The following ABCA9 variants were observed in gnomAD, a reference collection of about 807,000 sequenced individuals.
ABCA9 encodes ATP-binding cassette sub-family A member 9.
Under a neutral mutation model 205.3 loss-of-function variants are expected in ABCA9, and 183 were observed. The observed-to-expected ratio is 0.89, with a 90% CI of 0.79 to 1.01. The LOEUF is 1.01. ABCA9 is among the 50% of genes least tolerant of loss of function. The pLI is 0.00. For synonymous variants in ABCA9, 651 were observed against 683.3 expected, an observed-to-expected ratio of 0.95 and a Z score of 0.74; for missense variants, 1,805 against 1,912.4, an observed-to-expected ratio of 0.94 and a Z score of 1.05.
chr17:69,049,005 G>A (rs746641708), intron 3 of ABCA9, among the ~76,000 whole-genome samples: 6 of 152,282 alleles, frequency 3.9e-5, no homozygotes, highest in East Asian at 1.9e-4. Context: ...ACAGTCCAAT[G>A]TTTCCAGAAT....
At chr17:69,002,648 C>T (rs2069928642) in intron 25 of ABCA9, among the ~76,000 whole-genome samples, 2 of 151,644 alleles carry the variant, frequency 1.3e-5, no homozygotes, top group South Asian at 4.2e-4. Flanking sequence ...TGGTGCAGGG[C>T]TGAGTTCAAT....
chr17:69,028,678 G>A lies in ABCA9; in HGVS notation c.1505-33C>T, dbSNP rs1309589997. On this transcript the variant is annotated intron_variant, in intron 11 of 38. Transcript: ENST00000340001. ...GATTTTAAAAAAAATTACACTCAGA[G>A]CCTACATATTAACTTTACAGTCTCT... The A allele has an allele frequency of 1.3e-5, 17 of 1,338,506 alleles. No individual in the cohort carries two copies. The East Asian group carries it at 3.8e-4, about 30-fold the overall frequency. The allele number at this position is 1,338,506 out of a possible 1,614,324, so 82.9% of individuals were successfully genotyped here. A position where few individuals can be genotyped will look rare whatever the true frequency, so the allele number is the denominator to read the frequency against.
At chr17:69,064,593 T>C (rs1344008533), upstream of ABCA9, among the ~76,000 whole-genome samples, 1 of 152,230 alleles carries the variant, frequency 6.6e-6, no homozygotes, top group African/African-American at 2.4e-5. Context: ...AAGGGTGTTT[T>C]AGAATTTATA....
chr17:69,024,267 C>T lies in ABCA9; in HGVS notation c.2228G>A (p.Ser743Asn), dbSNP rs2070912149. The T allele has an allele frequency of 2.5e-6, 4 of 1,613,324 alleles. No homozygotes were observed. The highest frequency in any genetic ancestry group is 3.4e-6 in the Non-Finnish European group (4 of 1,179,534). Residue 743 changes from serine to asparagine, a missense_variant, in exon 17 of 39, where the codon AGT (serine) becomes AAT (asparagine). By Grantham distance (46) the Ser-to-Asn change is conservative. Transcript: ENST00000340001. ...HISDAKLTAQ[S>N]EEKLVYILPL... Reference sequence around the variant, plus strand: ...CAAAATATATACAAGTTTTTCTTCACTTTGTGCTGTCAATTTGGCATCAGA... The same window carrying T: ...CAAAATATATACAAGTTTTTCTTCATTTTGTGCTGTCAATTTGGCATCAGA...
Position 68,989,822 on chromosome 17 carries a change from C to T in ABCA9, c.3946G>A (p.Val1316Ile). 6.3e-7 allele frequency: 1 copy of T among 1,578,552 alleles called. No individual in the cohort carries two copies. The highest frequency in any genetic ancestry group is 1.1e-5 in the South Asian group (1 of 89,518). ...KIATRNVSFCVKKGEVIGLLG... is the reference protein window; with the variant it reads ...KIATRNVSFCIKKGEVIGLLG... ...AACTACTGTTTCCAACCTTTTTTAA[C>T]ACAAAAAGAGACATTTCTTGTGGCA... Residue 1316 changes from valine to isoleucine, a missense_variant, in exon 30 of 39, where the codon GTT becomes ATT. Coordinates refer to ENST00000340001, the MANE Select transcript of ABCA9 (RefSeq NM_080283.4).
At position 68,984,048 on chromosome 17, in the gene ABCA9, G is replaced by A. The variant is rs895862045; in HGVS notation, c.4499+8C>T. The A allele has an allele frequency of 4.2e-5, 68 of 1,613,934 alleles. No homozygotes were observed. Among genetic ancestry groups the A allele is most frequent in the Non-Finnish European group, 5.5e-5 (65 of 1,179,994 alleles). ...AGGGGCTGAGCGCCGGCTTGGACAG[G>A]CACTCACCTCAGCCTTCCTGACACC... On this transcript the variant is annotated splice_region_variant and intron_variant, in intron 35 of 38. Transcript: ENST00000340001.
In ABCA9 at chr17:69,020,433, A is replaced by AT; in HGVS notation, c.2554_2555insA (p.Val852AspfsTer23). ...TTCTTTCTTTAACTTTAGGAAGCGAACTTTTGCTATTGCACAGACCTGCTG... is the reference window on the plus strand; with the variant it reads ...TTCTTTCTTTAACTTTAGGAAGCGAATCTTTTGCTATTGCACAGACCTGCTG... On this transcript the variant is annotated frameshift_variant, in exon 19 of 39. Transcript: ENST00000340001. LOFTEE classifies it high-confidence loss of function. The AT allele has an allele frequency of 6.2e-7, 1 of 1,613,924 alleles. No individual in the cohort carries two copies.
intron 17 of ABCA9, 70 bp from the exon 18 acceptor site, chr17:69,021,931 A>G: frequency 8.1e-7 from 1 of 1,228,568 alleles, no homozygotes; most frequent in Non-Finnish European, 1.1e-6. Context: ...TCAAAAATGT[A>G]AAATATTGGT....
intron 9 of ABCA9, chr17:69,033,324 G>GAAAAAAAAAAAAAA (rs1567960119): frequency 9.0e-6 from 1 of 111,046 alleles, no homozygotes. Flanking sequence ...AAAAAAAAAG[G>GAAAAAAAAAAAAAA]AAAGAAAGAA....
At chr17:69,064,328 A>T (rs1001795791), upstream of ABCA9, among the ~76,000 whole-genome samples, 4 of 152,190 alleles carry the variant, frequency 2.6e-5, no homozygotes, top group Admixed American at 6.5e-5. Context: ...ATAACCCTCA[A>T]ATGTTAACAA....
At chr17:69,056,513 TAATC>T (rs1414900663) in intron 1 of ABCA9, among the ~76,000 whole-genome samples, 7 of 152,314 alleles carry the variant, frequency 4.6e-5, no homozygotes, top group Non-Finnish European at 8.8e-5. Context: ...ACTGATTTAA[TAATC>T]AATAATCTTC....
rs1179154674 is a variant in ABCA9, at chr17:69,016,049, TAC to T, written c.3039+202_3039+203del. On this transcript the variant is annotated intron_variant, in intron 22 of 38. Transcript: ENST00000340001. ...TGTGTGTGTGTATGTATATTACATATACAGTGATTTATATATATATAAAATAT... is the reference window on the plus strand; with the variant it reads ...TGTGTGTGTGTATGTATATTACATATAGTGATTTATATATATATAAAATAT... 7.3e-5 allele frequency among the ~76,000 whole-genome samples: 11 copies of T among 150,774 alleles called. No homozygotes were observed. The East Asian group carries it at 1.9e-3, about 27-fold the overall frequency.
At chr17:69,055,418 T>G (rs956533798) in intron 1 of ABCA9, among the ~76,000 whole-genome samples, 9 of 152,162 alleles carry the variant, frequency 5.9e-5, no homozygotes, top group Non-Finnish European at 1.3e-4. Flanking sequence ...GAAGGAAAAT[T>G]ATCAGGGATA....
rs1284992703 is a variant in ABCA9 at position 69,023,183 on chromosome 17, T to G, written c.2281+1031A>C. On this transcript the variant is annotated intron_variant, in intron 17 of 38. Transcript: ENST00000340001. This position sits in a 1 kb window ranked among gnomAD's most constrained non-coding sequence, Gnocchi z 4.2. ...TTTAAATGGTAGCATTATTTCTTTG[T>G]GTTTCTTTCTTAGTGGTACATCCTG... The G allele has an allele frequency of 6.6e-6, 1 of 152,192 alleles. No individual in the cohort carries two copies. The highest frequency in any genetic ancestry group is 1.5e-5 in the Non-Finnish European group (1 of 68,028). 9.4% of individuals were successfully genotyped at this position (152,192 alleles called of 1,614,324 possible).
chr17:69,024,483 A>C (rs2144317080), intron 16 of ABCA9, 130 bp from the exon 17 acceptor site: 5 of 856,546 alleles, frequency 5.8e-6, no homozygotes, highest in Admixed American at 3.3e-5. Flanking sequence ...TTACTGGACA[A>C]AGTAAGATGT....
chr17:68,985,041 C>T lies in ABCA9; in HGVS notation c.4284+12G>A, dbSNP rs184929537. ...ACGGCACTTGCAGAGCAACAACAAGCCCTGCCCGTACCTTTCGCTTTATTC... is the reference window on the plus strand; with the variant it reads ...ACGGCACTTGCAGAGCAACAACAAGTCCTGCCCGTACCTTTCGCTTTATTC... On this transcript the variant is annotated intron_variant, in intron 33 of 38. Transcript: ENST00000340001. 15 of 1,614,220 alleles carry T rather than the reference C, an allele frequency of 9.3e-6. No individual in the cohort carries two copies. In the East Asian group the frequency reaches 2.5e-4, roughly 26 times the overall value.
chr17:69,008,340 AAAT>A, intron 23 of ABCA9, 105 bp from the exon 24 acceptor site: 1 of 1,070,858 alleles, frequency 9.3e-7, no homozygotes, highest in Non-Finnish European at 1.4e-6. Context: ...CGCCTTTTAG[AAAT>A]ATTATCCTGA....
At chr17:68,999,639 C>T (rs1420609965) in intron 25 of ABCA9, among the ~76,000 whole-genome samples, 24 of 151,752 alleles carry the variant, frequency 1.6e-4, no homozygotes, top group Non-Finnish European at 2.6e-4. Flanking sequence ...TGGGTATATA[C>T]GCAGTAATGG....
the ABCA9 span, among the ~76,000 whole-genome samples, chr17:69,066,464 GGTT>G: frequency 9.9e-5 from 15 of 152,086 alleles, no homozygotes; most frequent in African/African-American, 3.4e-4. Context: ...GTCAAGAAAA[GGTT>G]GTTATTTTGT....
Sources: allele counts gnomAD v4.1 joint callset (sites outside exome capture counted in the v4.1 genomes callset), GRCh38; gene constraint gnomAD v4.1.1; non-coding constraint Gnocchi (gnomAD v3.1); transcripts MANE v1.5; gene names NCBI Gene and HGNC (gene_info 2026-07-23, HGNC 2026-07-21).